Variants in DCDC2 observed in about 807,000 individuals in gnomAD.
The protein encoded by DCDC2 is doublecortin domain containing 2, also known as doublecortin domain-containing protein 2.
DCDC2 carries 40 observed loss-of-function variants against 50.2 expected under a neutral mutation model. The observed-to-expected ratio is 0.80, with a 90% CI of 0.62 to 1.04. The LOEUF is 1.04. DCDC2 is among the 50% of genes least tolerant of loss of function. The pLI, the probability that DCDC2 is intolerant of heterozygous loss-of-function variation, is 0.00. For synonymous variants in DCDC2, 234 were observed against 210.6 expected (o/e 1.11, Z -0.96); for missense variants, 570 against 581.9 (o/e 0.98, Z 0.21).
chr6:24,335,029 G>T (rs1760032155), intron 2 of DCDC2, among the ~76,000 whole-genome samples: 3 of 152,162 alleles, frequency 2.0e-5, no homozygotes. Flanking sequence ...AAGATTAAAA[G>T]ACTTGTACAA....
chr6:24,231,189 A>G (rs1035669305), intron 7 of DCDC2, among the ~76,000 whole-genome samples: 1 of 152,064 alleles, frequency 6.6e-6, no homozygotes, highest in African/African-American at 2.4e-5. Context: ...CTGTTGTCAG[A>G]CCTTTCCTTA....
chr6:24,198,660 C>T (rs1454657602), intron 8 of DCDC2, among the ~76,000 whole-genome samples: 1 of 151,962 alleles, frequency 6.6e-6, no homozygotes, highest in Non-Finnish European at 1.5e-5. Context: ...GAGAATGAAC[C>T]GTTCACTCCC....
At chr6:24,317,416 T>C (rs1759691827) in intron 2 of DCDC2, among the ~76,000 whole-genome samples, 1 of 151,998 alleles carries the variant, frequency 6.6e-6, no homozygotes, top group South Asian at 2.1e-4. Flanking sequence ...ATAAATGGCT[T>C]TGGGACAGTG....
chr6:24,370,941 T>C, the DCDC2 span, among the ~76,000 whole-genome samples: 1 of 151,994 alleles, frequency 6.6e-6, no homozygotes, highest in Non-Finnish European at 1.5e-5. Context: ...AAAAAAACCC[T>C]ACAAACTGGA....
intron 1 of DCDC2, among the ~76,000 whole-genome samples, chr6:24,355,762 A>C (rs1219584297): frequency 2.6e-5 from 4 of 152,212 alleles, no homozygotes; most frequent in Admixed American, 1.3e-4. Flanking sequence ...CTCACTTTCC[A>C]TGAAAAGAAT....
chr6:24,366,633 C>G, the DCDC2 span, among the ~76,000 whole-genome samples: 4 of 152,152 alleles, frequency 2.6e-5, no homozygotes, highest in African/African-American at 9.7e-5. Context: ...AAGGGATGCA[C>G]CTTGAGGAGC....
At chr6:24,257,016 A>G (rs950205428) in intron 7 of DCDC2, among the ~76,000 whole-genome samples, 7 of 152,220 alleles carry the variant, frequency 4.6e-5, no homozygotes, top group South Asian at 4.1e-4. Flanking sequence ...CCTAAGCTCT[A>G]ATATTGATTT....
chr6:24,275,866 A>ATTTTTTTTTTTTTTTTTTTTTTTTTTTT (rs10685261), intron 7 of DCDC2, among the ~76,000 whole-genome samples: 1 of 108,120 alleles, frequency 9.2e-6, no homozygotes, highest in Non-Finnish European at 1.8e-5. Flanking sequence ...CAATAATTCA[A>ATTTTTTTTTTTTTTTTTTTTTTTTTTTT]TTTTTTTTTT....
Position 24,178,512 on chromosome 6 carries a change from T to G in DCDC2, c.1144A>C (p.Thr382Pro). ...TCCTCGACTTGCTCAGGGGCATCTGTAGCCTCCCTACCTCCTTCCTCTTCA... is the reference window on the plus strand; with the variant it reads ...TCCTCGACTTGCTCAGGGGCATCTGGAGCCTCCCTACCTCCTTCCTCTTCA... ...DLEEEGGREATDAPEQVEEIL... is the reference protein window; with the variant it reads ...DLEEEGGREAPDAPEQVEEIL... The change falls in exon 9 of 10, where the codon ACA becomes CCA. Residue 382 changes from threonine to proline, a missense_variant. By Grantham distance (38) the Thr-to-Pro change is conservative. Transcript: ENST00000378454. 1 of 1,614,186 alleles carries G rather than the reference T, an allele frequency of 6.2e-7. No homozygotes were observed. Among genetic ancestry groups the G allele is most frequent in the Non-Finnish European group, 8.5e-7 (1 of 1,180,038 alleles).
the DCDC2 span, among the ~76,000 whole-genome samples, chr6:24,370,800 T>C: frequency 6.6e-6 from 1 of 152,226 alleles, no homozygotes; most frequent in African/African-American, 2.4e-5. Flanking sequence ...TACATGAATG[T>C]TCATAGAAGC....
rs1393137814 is a variant in DCDC2, at chr6:24,173,473, T to C, written c.*1257A>G. ...CTTTAAGAAAAATATATTATTTCTATATTTATGGAAGAACATCTCTTAAGA... is the reference window on the plus strand; with the variant it reads ...CTTTAAGAAAAATATATTATTTCTACATTTATGGAAGAACATCTCTTAAGA... On this transcript the variant is annotated 3_prime_UTR_variant, in exon 10 of 10. Transcript: ENST00000378454. 2 of 152,166 alleles carry C rather than the reference T, an allele frequency of 1.3e-5. No homozygotes were observed. The highest frequency in any genetic ancestry group is 2.9e-5 in the Non-Finnish European group (2 of 68,022). 9.4% of individuals were successfully genotyped at this position (152,166 alleles called of 1,614,324 possible).
rs368339633 is a variant in DCDC2 at position 24,245,607 on chromosome 6, A to T, written c.922+32442T>A. Among the ~76,000 whole-genome samples the T allele has an allele frequency of 1.2e-4, 18 of 152,338 alleles. No homozygotes were observed. In the East Asian group the frequency reaches 1.9e-3, roughly 16 times the overall value. On this transcript the variant is annotated intron_variant, in intron 7 of 9. Transcript: ENST00000378454. ...ATGAAAAATACTCTGAAGGGATGTTACCTTACCCTAGACACACAAGACTGT... is the reference window on the plus strand; with the variant it reads ...ATGAAAAATACTCTGAAGGGATGTTTCCTTACCCTAGACACACAAGACTGT...
the DCDC2 span, among the ~76,000 whole-genome samples, chr6:24,377,559 T>A: frequency 6.6e-6 from 1 of 152,362 alleles, no homozygotes; most frequent in East Asian, 1.9e-4. Flanking sequence ...GTTGTTTTAT[T>A]TTTACGTGAT....
At chr6:24,200,092 T>A (rs917011841) in intron 8 of DCDC2, among the ~76,000 whole-genome samples, 1 of 152,178 alleles carries the variant, frequency 6.6e-6, no homozygotes, top group Non-Finnish European at 1.5e-5. Context: ...CTCTTCAGGA[T>A]GTTATCCAGC....
intron 8 of DCDC2, among the ~76,000 whole-genome samples, chr6:24,187,090 C>A (rs777479304): frequency 4.6e-5 from 7 of 152,258 alleles, no homozygotes; most frequent in Middle Eastern, 3.4e-3. Flanking sequence ...CCTTCCCTCC[C>A]CAGCCCCACA....
intron 2 of DCDC2, among the ~76,000 whole-genome samples, chr6:24,329,595 C>G (rs939836674): frequency 2.0e-5 from 3 of 152,130 alleles, no homozygotes; most frequent in Admixed American, 6.6e-5. Flanking sequence ...ATATTCCAAA[C>G]AGAATGGGGA....
chr6:24,267,901 T>C (rs1044361985), intron 7 of DCDC2, among the ~76,000 whole-genome samples: 9 of 152,190 alleles, frequency 5.9e-5, no homozygotes, highest in South Asian at 2.1e-4. Flanking sequence ...AAAAGATGTC[T>C]GACTTAATTT....
intron 7 of DCDC2, among the ~76,000 whole-genome samples, chr6:24,231,045 T>G (rs556106212): frequency 6.7e-6 from 1 of 149,502 alleles, no homozygotes; most frequent in Admixed American, 6.6e-5. Flanking sequence ...AGGAGGCTTA[T>G]GGAAGGCCCA....
chr6:24,294,467 A>C (rs1038389605), intron 4 of DCDC2, among the ~76,000 whole-genome samples: 1 of 152,140 alleles, frequency 6.6e-6, no homozygotes, highest in Admixed American at 6.6e-5. Context: ...AAATAACCAA[A>C]ATCAGAGGTG....
Sources: allele counts gnomAD v4.1 joint callset (sites outside exome capture counted in the v4.1 genomes callset), GRCh38; gene constraint gnomAD v4.1.1; transcripts MANE v1.5; gene names NCBI Gene and HGNC (gene_info 2026-07-23, HGNC 2026-07-21).